ASIC2: variants seen among roughly 807,000 people sequenced by gnomAD.
ASIC2 encodes the protein acid sensing ion channel subunit 2.
A neutral mutation model predicts 57.3 loss-of-function variants in ASIC2; 25 were observed. The observed-to-expected ratio is 0.44, with a 90% CI of 0.32 to 0.61. ASIC2 has a LOEUF of 0.61. Among genes scored for constraint, ASIC2 ranks in the 20% least tolerant of loss-of-function variants. The pLI is 0.06. For synonymous variants in ASIC2, 319 were observed against 307.5 expected (o/e 1.04, Z -0.39); for missense variants, 641 against 738.1 (o/e 0.87, Z 1.52).
intron 1 of ASIC2, among the ~76,000 whole-genome samples, chr17:33,770,897 GC>G (rs1911083029): frequency 6.6e-6 from 1 of 152,028 alleles, no homozygotes; most frequent in African/African-American, 2.4e-5. Flanking sequence ...GGCTGGAATA[GC>G]ACCTTCTGGC....
At chr17:33,565,048 T>C (rs969706208) in intron 1 of ASIC2, among the ~76,000 whole-genome samples, 1 of 152,212 alleles carries the variant, frequency 6.6e-6, no homozygotes, top group Non-Finnish European at 1.5e-5. Context: ...ATCTCAGCTC[T>C]GAAGGCTGTG....
Position 34,101,363 on chromosome 17 carries a change from A to C in ASIC2, c.555+54615T>G, listed in dbSNP as rs1046579118. ...TGGAAGCCCCTCTGTTTTTCCCCAA[A>C]AGTCTGTATTTGGTTACGCTTTCCA... is the stretch of plus-strand genomic sequence containing the variant. On this transcript the variant is annotated intron_variant, in intron 1 of 9. Transcript: ENST00000359872. Among the ~76,000 whole-genome samples the C allele has an allele frequency of 6.6e-5, 10 of 152,076 alleles. No individual in the cohort carries two copies. The East Asian group carries it at 1.9e-3, about 29-fold the overall frequency.
At chr17:33,785,494 T>A (rs1451487226) in intron 1 of ASIC2, among the ~76,000 whole-genome samples, 1 of 152,180 alleles carries the variant, frequency 6.6e-6, no homozygotes, top group Admixed American at 6.5e-5. Flanking sequence ...ATGGCTGGAA[T>A]GTGGCTGAAC....
intron 1 of ASIC2, among the ~76,000 whole-genome samples, chr17:33,718,859 G>A (rs1291142224): frequency 6.6e-6 from 1 of 152,196 alleles, no homozygotes; most frequent in East Asian, 1.9e-4. Context: ...GGTGGTAAGA[G>A]GGGTCAGTGA....
At position 33,401,582 on chromosome 17, in the gene ASIC2, T is replaced by C. The variant is rs140883128; in HGVS notation, c.556-289515A>G. Among the ~76,000 whole-genome samples the C allele has an allele frequency of 2.2e-3, 334 of 152,272 alleles. 3 individuals are homozygous for C. Among genetic ancestry groups the C allele is most frequent in the African/African-American group, 7.8e-3 (324 of 41,544 alleles). ...TCTGCAAGTTTCTCTTGCCCCTAATTGAGCTTAATGATTTATGTCTTGTAA... is the reference window on the plus strand; with the variant it reads ...TCTGCAAGTTTCTCTTGCCCCTAATCGAGCTTAATGATTTATGTCTTGTAA... On this transcript the variant is annotated intron_variant, in intron 1 of 9. Transcript: ENST00000359872.
chr17:33,144,538 G>C (rs1275463956), intron 1 of ASIC2, among the ~76,000 whole-genome samples: 1 of 152,188 alleles, frequency 6.6e-6, no homozygotes, highest in Non-Finnish European at 1.5e-5. Context: ...AAGCCAGTTA[G>C]AATTAGATTT....
chr17:33,048,097 T>C (rs2091962318), intron 3 of ASIC2, among the ~76,000 whole-genome samples: 1 of 152,032 alleles, frequency 6.6e-6, no homozygotes, highest in Non-Finnish European at 1.5e-5. Context: ...CAGAGCTCTT[T>C]CTCTCTCCAC....
chr17:33,582,754 C>T (rs1904485567), intron 1 of ASIC2, among the ~76,000 whole-genome samples: 1 of 152,050 alleles, frequency 6.6e-6, no homozygotes, highest in Non-Finnish European at 1.5e-5. Context: ...CCACACCCCA[C>T]CCCCTCATAC....
rs375695905 is a variant in ASIC2, at chr17:33,827,337, C to CTTTTTTTTTTTTTTTTTTTTT, written c.555+328640_555+328641insAAAAAAAAAAAAAAAAAAAAA. Among the ~76,000 whole-genome samples, 715 of 76,416 alleles carry CTTTTTTTTTTTTTTTTTTTTT rather than the reference C, an allele frequency of 9.4e-3. 184 individuals are homozygous for CTTTTTTTTTTTTTTTTTTTTT. The highest frequency in any genetic ancestry group is 0.014 in the African/African-American group (273 of 20,112). 50.1% of individuals were successfully genotyped at this position (76,416 alleles called of 152,430 possible). A position where few individuals can be genotyped will look rare whatever the true frequency, so the allele number is the denominator to read the frequency against. On this transcript the variant is annotated intron_variant, in intron 1 of 9. Transcript: ENST00000359872. ...GGACTAGGTCCTGTTGCAGCTCACT[C>CTTTTTTTTTTTTTTTTTTTTT]TTTTTTTTTTTTGAGACAGAGTCTT... is the stretch of plus-strand genomic sequence containing the variant.
intron 1 of ASIC2, among the ~76,000 whole-genome samples, chr17:33,446,604 A>T (rs1048402078): frequency 1.3e-5 from 2 of 152,140 alleles, no homozygotes; most frequent in Non-Finnish European, 2.9e-5. Flanking sequence ...TCCCACGTGG[A>T]GAAGAAAAGT....
chr17:33,674,726 T>A (rs3115684), intron 1 of ASIC2, among the ~76,000 whole-genome samples: 26,863 of 152,158 alleles, frequency 0.18, 2,494 homozygotes, highest in African/African-American at 0.22. Flanking sequence ...GCTCGTTCTG[T>A]GATATCCAGG....
chr17:33,963,264 G>T (rs914041036), intron 1 of ASIC2, among the ~76,000 whole-genome samples: 3 of 152,086 alleles, frequency 2.0e-5, no homozygotes, highest in African/African-American at 7.2e-5. Context: ...TGCTCTCTAC[G>T]TTGCATCGCT....
chr17:33,065,529 C>G (rs1251836117), intron 3 of ASIC2, among the ~76,000 whole-genome samples: 1 of 152,124 alleles, frequency 6.6e-6, no homozygotes, highest in Non-Finnish European at 1.5e-5. Context: ...GTCGCCCAGG[C>G]TGGCCTCAAA....
chr17:33,575,892 C>T (rs1377477074), intron 1 of ASIC2, among the ~76,000 whole-genome samples: 2 of 152,184 alleles, frequency 1.3e-5, no homozygotes, highest in African/African-American at 2.4e-5. Context: ...GCTAATGGCT[C>T]TGCAGGCTTA....
intron 1 of ASIC2, among the ~76,000 whole-genome samples, chr17:33,567,737 A>G (rs1162027223): frequency 1.3e-5 from 2 of 152,132 alleles, no homozygotes; most frequent in Non-Finnish European, 2.9e-5. Flanking sequence ...TGAGATGGGA[A>G]CAAGTGGGGG....
At chr17:33,413,280 G>T (rs1310176455) in intron 1 of ASIC2, among the ~76,000 whole-genome samples, 1 of 152,194 alleles carries the variant, frequency 6.6e-6, no homozygotes, top group Non-Finnish European at 1.5e-5. Context: ...ATGGCCCATT[G>T]ACATTTCTAT....
chr17:33,416,075 G>T (rs1275724423), intron 1 of ASIC2, among the ~76,000 whole-genome samples: 4 of 152,164 alleles, frequency 2.6e-5, no homozygotes, highest in Non-Finnish European at 5.9e-5. Flanking sequence ...TGTGTTGGGG[G>T]TGGTTCTGCC....
intron 1 of ASIC2, among the ~76,000 whole-genome samples, chr17:34,105,256 C>A (rs1016215963): frequency 5.9e-5 from 9 of 151,772 alleles, no homozygotes; most frequent in Non-Finnish European, 1.0e-4. Context: ...ATAGTATTTT[C>A]TTTTTATCCT....
intron 1 of ASIC2, among the ~76,000 whole-genome samples, chr17:33,325,080 T>C (rs1476436119): frequency 6.6e-6 from 1 of 152,180 alleles, no homozygotes; most frequent in African/African-American, 2.4e-5. Context: ...CACGTATCTA[T>C]TGAGTACCTA....
Sources: gnomAD v4.1 joint callset for allele counts (sites outside exome capture counted in the v4.1 genomes callset) on GRCh38, gnomAD v4.1.1 for gene constraint, MANE v1.5 for transcripts, NCBI Gene and HGNC (gene_info 2026-07-23, HGNC 2026-07-21) for gene names.